Variants in SV2C observed in about 807,000 individuals in gnomAD.
SV2C encodes synaptic vesicle glycoprotein 2C.
Under a neutral mutation model 79.7 loss-of-function variants are expected in SV2C, and 49 were observed. The ratio of observed to expected loss-of-function variants is 0.61; its 90% confidence interval spans 0.49 to 0.78. SV2C has a LOEUF of 0.78. Among genes scored for constraint, SV2C ranks in the 30% least tolerant of loss-of-function variants. The pLI is 0.00. For synonymous variants in SV2C, 334 were observed against 333.2 expected, an observed-to-expected ratio of 1.00 and a Z score of -0.03; for missense variants, 833 against 912.9, an observed-to-expected ratio of 0.91 and a Z score of 1.13.
intron 4 of SV2C, among the ~76,000 whole-genome samples, chr5:76,270,776 T>A (rs550275324): frequency 7.2e-6 from 1 of 138,316 alleles, no homozygotes; most frequent in Admixed American, 7.0e-5. Flanking sequence ...ATTTTTATTA[T>A]TTTTTTTTTT....
chr5:76,010,236 G>A, the SV2C span, among the ~76,000 whole-genome samples: 2 of 152,016 alleles, frequency 1.3e-5, no homozygotes, highest in Admixed American at 6.6e-5. Context: ...CTCTTCCCAG[G>A]ATGCAGAGAA....
the SV2C span, among the ~76,000 whole-genome samples, chr5:75,863,448 A>G: frequency 1.3e-5 from 2 of 152,336 alleles, no homozygotes; most frequent in East Asian, 1.9e-4. Context: ...GTAAAATTGG[A>G]AAGTGGTGAG....
the SV2C span, among the ~76,000 whole-genome samples, chr5:75,908,301 C>T: frequency 6.6e-6 from 1 of 152,188 alleles, no homozygotes; most frequent in Non-Finnish European, 1.5e-5. Flanking sequence ...TTTTGTGTCA[C>T]ACATTATGTA....
chr5:76,165,057 T>G (rs1035708394), intron 2 of SV2C, among the ~76,000 whole-genome samples: 3 of 152,066 alleles, frequency 2.0e-5, no homozygotes, highest in Non-Finnish European at 4.4e-5. Flanking sequence ...AAAAAAATAT[T>G]TTTGATCTGC....
chr5:75,975,861 G>C, the SV2C span, among the ~76,000 whole-genome samples: 2 of 152,172 alleles, frequency 1.3e-5, no homozygotes, highest in African/African-American at 4.8e-5. Context: ...ATCCCTTACA[G>C]CTCTACATAA....
At chr5:76,034,322 G>A in the SV2C span, among the ~76,000 whole-genome samples, 1 of 152,260 alleles carries the variant, frequency 6.6e-6, no homozygotes, top group African/African-American at 2.4e-5. Context: ...TCCCTGTCTT[G>A]TGCCAGTTTT....
chr5:75,904,735 G>A, the SV2C span, among the ~76,000 whole-genome samples: 13 of 152,286 alleles, frequency 8.5e-5, no homozygotes, highest in African/African-American at 2.9e-4. Context: ...CTAGATAAAC[G>A]TAGACATAGG....
At chr5:75,975,441 T>C in the SV2C span, among the ~76,000 whole-genome samples, 1 of 152,188 alleles carries the variant, frequency 6.6e-6, no homozygotes, top group Non-Finnish European at 1.5e-5. Flanking sequence ...ATATTTTATT[T>C]CCAATTCATG....
the SV2C span, among the ~76,000 whole-genome samples, chr5:75,942,707 A>T: frequency 1.3e-5 from 2 of 152,154 alleles, no homozygotes; most frequent in Non-Finnish European, 2.9e-5. Flanking sequence ...TATCATCTTG[A>T]GTTCCCTGTT....
At chr5:76,015,920 A>T in the SV2C span, among the ~76,000 whole-genome samples, 1 of 152,010 alleles carries the variant, frequency 6.6e-6, no homozygotes, top group South Asian at 2.1e-4. Flanking sequence ...TTTATCTTTG[A>T]TATATAAGAC....
intron 1 of SV2C, among the ~76,000 whole-genome samples, chr5:76,117,523 C>A (rs923399759): frequency 1.3e-5 from 2 of 151,974 alleles, no homozygotes; most frequent in Admixed American, 1.3e-4. Context: ...TAAATACTTG[C>A]AGAAGATGAA....
chr5:76,132,173 A>G lies in SV2C; in HGVS notation c.423A>G (p.Ile141Met). 1 of 1,614,166 alleles carries G rather than the reference A, an allele frequency of 6.2e-7. No homozygotes were observed. Among genetic ancestry groups the G allele is most frequent in the Admixed American group, 1.7e-5 (1 of 60,016 alleles). The change falls in exon 2 of 13, where the codon ATA (isoleucine) becomes ATG (methionine). Residue 141 changes from isoleucine (I) to methionine (M), a missense_variant. By Grantham distance (10) the Ile-to-Met change is conservative. Transcript: ENST00000502798. ...EEELAQQYEL[I>M]IQECGHGRFQ... ...AGTTAGCCCAGCAGTATGAGCTGAT[A>G]ATCCAAGAATGCGGTCATGGTCGTT...
chr5:76,052,881 T>C, the SV2C span, among the ~76,000 whole-genome samples: 2 of 151,016 alleles, frequency 1.3e-5, no homozygotes, highest in South Asian at 2.1e-4. Flanking sequence ...TTATAAGTTA[T>C]ATATAATAAT....
At chr5:76,301,107 TG>T (rs1747982201) in intron 11 of SV2C, among the ~76,000 whole-genome samples, 175 bp downstream of exon 11, 1 of 152,208 alleles carries the variant, frequency 6.6e-6, no homozygotes, top group South Asian at 2.1e-4. Context: ...TTCATTTGAG[TG>T]GTTTCCATGA....
chr5:75,867,294 T>C, the SV2C span, among the ~76,000 whole-genome samples: 3 of 152,138 alleles, frequency 2.0e-5, no homozygotes, highest in Non-Finnish European at 4.4e-5. Flanking sequence ...TGTTCTTCAG[T>C]AGCAGATGCA....
the SV2C span, among the ~76,000 whole-genome samples, chr5:75,935,029 C>T: frequency 3.9e-5 from 6 of 151,934 alleles, no homozygotes; most frequent in Non-Finnish European, 7.4e-5. Context: ...TGCTAACTTA[C>T]AAGAAATGTT....
chr5:76,131,768 G>A lies in SV2C; in HGVS notation c.18G>A (p.Lys6=), dbSNP rs764900829. The A allele has an allele frequency of 5.6e-6, 9 of 1,611,550 alleles. No homozygotes were observed. Among genetic ancestry groups the A allele is most frequent in the South Asian group, 4.4e-5 (4 of 90,676 alleles). Residue 6 remains lysine (K), a synonymous_variant, in exon 2 of 13, where the codon AAG becomes AAA. Coordinates refer to ENST00000502798, the MANE Select transcript of SV2C (RefSeq NM_014979.4). The part of the protein sequence containing the change: MEDSY[K]DRTSLMKGAK... ...GAGATAAGATGGAAGACTCTTACAAGGATAGGACTTCACTGATGAAGGGTG... is the reference window on the plus strand; with the variant it reads ...GAGATAAGATGGAAGACTCTTACAAAGATAGGACTTCACTGATGAAGGGTG...
the SV2C span, among the ~76,000 whole-genome samples, chr5:75,857,662 T>C: frequency 1.3e-5 from 2 of 152,170 alleles, no homozygotes; most frequent in Non-Finnish European, 2.9e-5. Context: ...GGTATTTTGG[T>C]GGGGATTGCA....
At chr5:76,280,647 C>T (rs1747155859) in intron 4 of SV2C, among the ~76,000 whole-genome samples, 1 of 152,270 alleles carries the variant, frequency 6.6e-6, no homozygotes, top group African/African-American at 2.4e-5. Context: ...CCTGCCCCGG[C>T]GGCCTCGTGG....
Sources: gnomAD v4.1 joint callset for allele counts (sites outside exome capture counted in the v4.1 genomes callset) on GRCh38, gnomAD v4.1.1 for gene constraint, MANE v1.5 for transcripts, NCBI Gene and HGNC (gene_info 2026-07-23, HGNC 2026-07-21) for gene names.